KCNK10: variants seen among roughly 807,000 people sequenced by gnomAD.
The protein encoded by KCNK10 is potassium channel subfamily K member 10.
In KCNK10, 25 loss-of-function variants were observed where a neutral mutation model predicts 47.7. The ratio of observed to expected loss-of-function variants is 0.52; its 90% confidence interval spans 0.38 to 0.73. The LOEUF is 0.73. Ranked by LOEUF, KCNK10 falls within the 30% of genes least tolerant of loss-of-function variation. The pLI is 0.00. For synonymous variants in KCNK10, 303 were observed against 285.6 expected (o/e 1.06, Z -0.61); for missense variants, 563 against 714.5 (o/e 0.79, Z 2.42).
In KCNK10 at chr14:88,240,785, T is replaced by C. The variant is rs1886435028; in HGVS notation, c.438A>G (p.Pro146=). Residue 146 remains proline (P), a synonymous_variant, in exon 3 of 7, where the codon CCA becomes CCG. Transcript: ENST00000319231. ...ALDADNAGVS[P]IGNSSNNSSH... is the part of the protein sequence containing the mutation. ...TGCTGTTGTTGGAAGAGTTTCCTATTGGACTGACTCCCGCATTGTCAGCAT... is the reference window on the plus strand; with the variant it reads ...TGCTGTTGTTGGAAGAGTTTCCTATCGGACTGACTCCCGCATTGTCAGCAT... 1.2e-6 allele frequency: 2 copies of C among 1,613,486 alleles called. No individual in the cohort carries two copies. Among genetic ancestry groups the C allele is most frequent in the East Asian group, 2.2e-5 (1 of 44,872 alleles).
chr14:88,205,038 G>A (rs779893430), intron 4 of KCNK10, among the ~76,000 whole-genome samples: 3 of 152,158 alleles, frequency 2.0e-5, no homozygotes, highest in East Asian at 1.9e-4. Context: ...CTGCTCCACC[G>A]ATTCATCCCT....
At chr14:88,225,774 G>C (rs540587069) in intron 4 of KCNK10, among the ~76,000 whole-genome samples, 2 of 152,118 alleles carry the variant, frequency 1.3e-5, no homozygotes, top group African/African-American at 2.4e-5. Flanking sequence ...TAAGTCAGAG[G>C]GCCATGAGGC....
At chr14:88,246,264 GAAAAAAAAA>G (rs35102974) in intron 2 of KCNK10, among the ~76,000 whole-genome samples, 1 of 55,338 alleles carries the variant, frequency 1.8e-5, no homozygotes, top group Non-Finnish European at 3.3e-5. Context: ...CTCCGTCTCA[GAAAAAAAAA>G]AAAAAAAAAA....
chr14:88,215,267 C>T (rs757324603), intron 4 of KCNK10, among the ~76,000 whole-genome samples: 16 of 152,168 alleles, frequency 1.1e-4, no homozygotes, highest in Non-Finnish European at 1.9e-4. Flanking sequence ...TTAATTGACT[C>T]ACAGTTCCGC....
chr14:88,204,089 C>G (rs1885187720), intron 4 of KCNK10, among the ~76,000 whole-genome samples: 1 of 152,078 alleles, frequency 6.6e-6, no homozygotes, highest in Non-Finnish European at 1.5e-5. Context: ...TTTTCCAAGG[C>G]CTCTACAGTG....
chr14:88,323,325 C>T (rs776212638), upstream of KCNK10: 1,825 of 981,018 alleles, frequency 1.9e-3, 2 homozygotes, highest in Non-Finnish European at 2.1e-3. Flanking sequence ...CCACCCCGGC[C>T]GCGGCTCCTC....
chr14:88,206,287 C>A (rs190878419), intron 4 of KCNK10, among the ~76,000 whole-genome samples: 1 of 152,106 alleles, frequency 6.6e-6, no homozygotes, highest in Non-Finnish European at 1.5e-5. Flanking sequence ...TGGAGGGGCA[C>A]GTTTGGCATG....
chr14:88,322,951 A>C lies in KCNK10; in HGVS notation c.-153T>G. ...TCGTGGAGGAACCCCAGAAAAAGAC[A>C]GGTGGGAAAATATTAGCTTGGGGGA... On this transcript the variant is annotated 5_prime_UTR_variant, in exon 1 of 7. Coordinates refer to ENST00000319231, the MANE Select transcript of KCNK10 (RefSeq NM_138317.3). This position sits in a 1 kb window ranked among gnomAD's most constrained non-coding sequence, Gnocchi z 4.8. 6.8e-7 allele frequency: 1 copy of C among 1,477,026 alleles called. No homozygotes were observed. Among genetic ancestry groups the C allele is most frequent in the Non-Finnish European group, 9.0e-7 (1 of 1,116,472 alleles). The allele number at this position is 1,477,026 out of a possible 1,614,324, so 91.5% of individuals were successfully genotyped here. A position where few individuals can be genotyped will look rare whatever the true frequency, so the allele number is the denominator to read the frequency against.
intron 2 of KCNK10, among the ~76,000 whole-genome samples, chr14:88,244,492 C>T (rs1886570931): frequency 6.6e-6 from 1 of 152,082 alleles, no homozygotes; most frequent in Non-Finnish European, 1.5e-5. Flanking sequence ...CATGGTGAAA[C>T]CCCATCTCTA....
intron 4 of KCNK10, among the ~76,000 whole-genome samples, chr14:88,197,292 A>T (rs1566681229): frequency 6.6e-6 from 1 of 152,204 alleles, no homozygotes; most frequent in African/African-American, 2.4e-5. Context: ...TAAAATTCAC[A>T]AATAATAAAA....
intron 4 of KCNK10, among the ~76,000 whole-genome samples, chr14:88,223,690 G>C (rs1384063623): frequency 2.0e-5 from 3 of 152,028 alleles, no homozygotes; most frequent in Non-Finnish European, 2.9e-5. Flanking sequence ...ATCCCTCTTG[G>C]GTCTGTAAAA....
chr14:88,216,373 G>A (rs923928444), intron 4 of KCNK10, among the ~76,000 whole-genome samples: 1 of 152,140 alleles, frequency 6.6e-6, no homozygotes, highest in Non-Finnish European at 1.5e-5. Context: ...TAACTAGGGC[G>A]ATTTTGCCCC....
At chr14:88,241,178 G>A (rs145711120) in intron 2 of KCNK10, among the ~76,000 whole-genome samples, 12 of 152,306 alleles carry the variant, frequency 7.9e-5, no homozygotes, top group Middle Eastern at 3.4e-3. Flanking sequence ...GGGCATTTCC[G>A]CAAGGCAGGA....
At chr14:88,190,987 C>A (rs2139826045) in intron 5 of KCNK10, among the ~76,000 whole-genome samples, 1 of 152,248 alleles carries the variant, frequency 6.6e-6, no homozygotes, top group Middle Eastern at 3.4e-3. Context: ...TGGCTCACAC[C>A]TGTAATCCCA....
intron 1 of KCNK10, among the ~76,000 whole-genome samples, chr14:88,317,051 A>C (rs549484900): frequency 6.6e-6 from 1 of 152,286 alleles, no homozygotes; most frequent in South Asian, 2.1e-4. Context: ...ATTAGCAAAA[A>C]GGATGGTGAA....
intron 4 of KCNK10, among the ~76,000 whole-genome samples, chr14:88,222,995 T>C (rs6574998): frequency 0.29 from 44,374 of 151,926 alleles, 7,142 homozygotes; most frequent in East Asian, 0.48. Context: ...GTGTTGGGAG[T>C]ATGAAAATTG....
chr14:88,215,532 A>G (rs2139857094), intron 4 of KCNK10, among the ~76,000 whole-genome samples: 1 of 152,324 alleles, frequency 6.6e-6, no homozygotes, highest in South Asian at 2.1e-4. Context: ...GTGGGGACAC[A>G]GCCAAACCAT....
chr14:88,210,930 T>C (rs1430334943), intron 4 of KCNK10, among the ~76,000 whole-genome samples: 2 of 151,940 alleles, frequency 1.3e-5, no homozygotes, highest in African/African-American at 2.4e-5. Flanking sequence ...GCAGCCACTG[T>C]AGAAAACAGT....
chr14:88,215,557 T>C (rs768726075), intron 4 of KCNK10, among the ~76,000 whole-genome samples: 2 of 152,292 alleles, frequency 1.3e-5, no homozygotes, highest in East Asian at 3.9e-4. Flanking sequence ...GTGACTTATA[T>C]CTAGGCTTTG....
Sources: allele counts gnomAD v4.1 joint callset (sites outside exome capture counted in the v4.1 genomes callset), GRCh38; gene constraint gnomAD v4.1.1; non-coding constraint Gnocchi (gnomAD v3.1); transcripts MANE v1.5; gene names NCBI Gene and HGNC (gene_info 2026-07-23, HGNC 2026-07-21).